Variants in DENND1A observed in about 807,000 individuals in gnomAD.
The protein encoded by DENND1A is DENN domain-containing protein 1A.
A neutral mutation model predicts 113.7 loss-of-function variants in DENND1A; 51 were observed. The observed-to-expected ratio is 0.45, with a 90% CI of 0.36 to 0.57. The LOEUF is 0.57. Ranked by LOEUF, DENND1A falls within the 20% of genes least tolerant of loss-of-function variation. The pLI, the probability that DENND1A is intolerant of heterozygous loss-of-function variation, is 0.00. For synonymous variants in DENND1A, 565 were observed against 570.8 expected (o/e 0.99, Z 0.14); for missense variants, 1,258 against 1,395.9 (o/e 0.90, Z 1.57).
intron 2 of DENND1A, among the ~76,000 whole-genome samples, chr9:123,828,842 C>G (rs1286883688): frequency 6.6e-6 from 1 of 152,150 alleles, no homozygotes; most frequent in Non-Finnish European, 1.5e-5. Context: ...GGTTGCAGAA[C>G]TGTCATACAG....
At chr9:123,729,424 C>G (rs189709264) in intron 5 of DENND1A, among the ~76,000 whole-genome samples, 1 of 152,288 alleles carries the variant, frequency 6.6e-6, no homozygotes, top group African/African-American at 2.4e-5. Context: ...TCTCAGGATA[C>G]AAAATCCACA....
chr9:123,597,115 C>T (rs1170325430), intron 11 of DENND1A, among the ~76,000 whole-genome samples: 1 of 152,180 alleles, frequency 6.6e-6, no homozygotes, highest in Non-Finnish European at 1.5e-5. Context: ...ACAACTGCCA[C>T]TTGCCATCAT....
At chr9:123,866,739 T>G (rs572367039) in intron 2 of DENND1A, among the ~76,000 whole-genome samples, 157 of 152,274 alleles carry the variant, frequency 1.0e-3, no homozygotes, top group African/African-American at 3.7e-3. Flanking sequence ...TTATCTCTAA[T>G]TTACAAAACA....
At position 123,609,685 on chromosome 9, in the gene DENND1A, A is replaced by G. The variant is rs146830497; in HGVS notation, c.720-204T>C. ...AATTTCAAAACGTGGGCAGCATTGG[A>G]AACAGCATGGGTAGCAGGAAGAGCA... On this transcript the variant is annotated intron_variant, in intron 10 of 23. Transcript: ENST00000394215. Among the ~76,000 whole-genome samples, 987 of 152,306 alleles carry G rather than the reference A, an allele frequency of 6.5e-3. 14 individuals are homozygous for G. Among genetic ancestry groups the G allele is most frequent in the African/African-American group, 0.023 (949 of 41,562 alleles).
chr9:123,393,253 T>A (rs181965435), intron 21 of DENND1A, among the ~76,000 whole-genome samples: 1 of 152,300 alleles, frequency 6.6e-6, no homozygotes, highest in East Asian at 1.9e-4. Context: ...TGCCAACAAG[T>A]AGATTCTGGG....
chr9:123,679,158 A>G (rs1201599676), intron 5 of DENND1A, among the ~76,000 whole-genome samples: 1 of 152,240 alleles, frequency 6.6e-6, no homozygotes, highest in African/African-American at 2.4e-5. Context: ...AGTAAACAAG[A>G]GAAAAACTGA....
chr9:123,598,177 C>A (rs1391843256), intron 11 of DENND1A, among the ~76,000 whole-genome samples: 1 of 152,156 alleles, frequency 6.6e-6, no homozygotes, highest in Non-Finnish European at 1.5e-5. Flanking sequence ...ATAAGCCTGA[C>A]CCTACACAGG....
intron 13 of DENND1A, among the ~76,000 whole-genome samples, chr9:123,548,100 G>A (rs1159444179): frequency 1.3e-5 from 2 of 152,054 alleles, no homozygotes; most frequent in African/African-American, 4.8e-5. Context: ...GATTCCAAAG[G>A]CCATACTCCT....
intron 5 of DENND1A, among the ~76,000 whole-genome samples, chr9:123,721,813 A>T (rs2067363129): frequency 6.6e-6 from 1 of 152,214 alleles, no homozygotes; most frequent in Non-Finnish European, 1.5e-5. Flanking sequence ...CTGTAAGTCC[A>T]TTAAACCTCT....
At chr9:123,636,782 C>A (rs1208470577) in intron 9 of DENND1A, among the ~76,000 whole-genome samples, 1 of 150,378 alleles carries the variant, frequency 6.6e-6, no homozygotes, top group Non-Finnish European at 1.5e-5. Context: ...CTCACCACAA[C>A]CTCTGCCTGC....
chr9:123,545,625 CCTGG>C (rs1187554328), intron 13 of DENND1A, among the ~76,000 whole-genome samples: 3 of 152,028 alleles, frequency 2.0e-5, no homozygotes, highest in African/African-American at 4.8e-5. Flanking sequence ...CGCCACCACA[CCTGG>C]CTAATTTTTT....
At chr9:123,661,914 A>G (rs2063258085) in intron 8 of DENND1A, among the ~76,000 whole-genome samples, 1 of 152,202 alleles carries the variant, frequency 6.6e-6, no homozygotes. Flanking sequence ...AGCACAGGAT[A>G]TTTTAACATT....
chr9:123,778,375 C>G (rs1326828219), intron 3 of DENND1A, among the ~76,000 whole-genome samples: 1 of 152,184 alleles, frequency 6.6e-6, no homozygotes, highest in East Asian at 1.9e-4. Context: ...ACTGTACTGT[C>G]AAATCATACA....
intron 13 of DENND1A, among the ~76,000 whole-genome samples, chr9:123,494,853 G>A (rs2051720047): frequency 1.3e-5 from 2 of 151,886 alleles, no homozygotes; most frequent in African/African-American, 4.8e-5. Context: ...GTGCAGTGGT[G>A]CAATCTCAGC....
intron 19 of DENND1A, chr9:123,439,577 C>A (rs1235951153): frequency 6.5e-6 from 1 of 154,592 alleles, no homozygotes; most frequent in East Asian, 1.9e-4. Context: ...TAATAAATGG[C>A]TACAGAATCA....
intron 5 of DENND1A, among the ~76,000 whole-genome samples, chr9:123,707,023 A>G (rs2066261954): frequency 6.6e-6 from 1 of 152,158 alleles, no homozygotes; most frequent in Admixed American, 6.5e-5. Flanking sequence ...TTGCTATTTA[A>G]TTCTGGGAGT....
intron 8 of DENND1A, among the ~76,000 whole-genome samples, chr9:123,663,341 T>A (rs2063337616): frequency 6.6e-6 from 1 of 152,238 alleles, no homozygotes; most frequent in African/African-American, 2.4e-5. Context: ...TAATAACTAA[T>A]TTCAATTTGT....
Position 123,457,359 on chromosome 9 carries a change from C to T in DENND1A, c.1175G>A (p.Gly392Asp). 1.2e-6 allele frequency: 2 copies of T among 1,613,794 alleles called. No individual in the cohort carries two copies. The highest frequency in any genetic ancestry group is 1.7e-6 in the Non-Finnish European group (2 of 1,179,706). Residue 392 changes from glycine (G) to aspartate (D), a missense_variant, in exon 15 of 24, where the codon GGC becomes GAC. Transcript: ENST00000394215. Reference protein sequence around the residue: ...SDVFEEEINMGEYAGSDKLYH... With the variant: ...SDVFEEEINMDEYAGSDKLYH... ...GAGTTGCTTCTCACCAGCGTACTCGCCCATGTTGATTTCCTCTTCAAAAAC... is the reference window on the plus strand; with the variant it reads ...GAGTTGCTTCTCACCAGCGTACTCGTCCATGTTGATTTCCTCTTCAAAAAC...
intron 13 of DENND1A, among the ~76,000 whole-genome samples, chr9:123,526,765 C>G (rs113861834): frequency 6.6e-6 from 1 of 152,226 alleles, no homozygotes; most frequent in Non-Finnish European, 1.5e-5. Context: ...TCTTTGCCAG[C>G]CCCTCTTTCT....
Sources: allele counts gnomAD v4.1 joint callset (sites outside exome capture counted in the v4.1 genomes callset), GRCh38; gene constraint gnomAD v4.1.1; transcripts MANE v1.5; gene names NCBI Gene and HGNC (gene_info 2026-07-23, HGNC 2026-07-21).